XRCC6: variants seen among roughly 807,000 people sequenced by gnomAD.
The protein encoded by XRCC6 is DNA repair protein Ku70.
Under a neutral mutation model 65.7 loss-of-function variants are expected in XRCC6, and 5 were observed. The ratio of observed to expected loss-of-function variants is 0.08; its 90% CI spans 0.04 to 0.16. The LOEUF (loss-of-function observed/expected upper bound fraction) is 0.16. XRCC6 is among the 10% of genes least tolerant of loss of function. The pLI is 1.00. For missense variants in XRCC6, 447 were observed against 738.1 expected (o/e 0.61, Z 4.57); for synonymous variants, 270 against 270.6 (o/e 1.00, Z 0.02).
Position 41,636,097 on chromosome 22 carries a change from G to A in XRCC6, c.196-16G>A, listed in dbSNP as rs201886085. 5.6e-4 allele frequency: 880 copies of A among 1,564,062 alleles called. 5 individuals carry two copies. The African/African-American group carries it at 9.2e-3, about 16-fold the overall frequency. ...ATTTAGTGGTAAGTAAATATTAATT[G>A]AATTTTTTTTTTCAGTGTATCCAAA... On this transcript the variant is annotated splice_polypyrimidine_tract_variant and intron_variant, in intron 3 of 12. Transcript: ENST00000360079.
intron 3 of XRCC6, among the ~76,000 whole-genome samples, chr22:41,635,234 G>A (rs1384248343): frequency 6.6e-6 from 1 of 152,132 alleles, no homozygotes; most frequent in African/African-American, 2.4e-5. Flanking sequence ...CATTCACATG[G>A]CTTCAATGTA....
At position 41,664,007 on chromosome 22, in the gene XRCC6, A is replaced by C. The variant is rs530704688; in HGVS notation, c.*192A>C. 19 of 629,212 alleles carry C rather than the reference A, an allele frequency of 3.0e-5. No homozygotes were observed. In the East Asian group the frequency reaches 4.8e-4, roughly 16 times the overall value. The allele number at this position is 629,212 out of a possible 1,614,324, so 39.0% of individuals were successfully genotyped here. A position where few individuals can be genotyped will look rare whatever the true frequency, so the allele number is the denominator to read the frequency against. ...CTCCCACTTTGCTGTTCCTTACTTT[A>C]CTGCCTGAATAAAGAGCCCTAAGTT... On this transcript the variant is annotated 3_prime_UTR_variant, in exon 13 of 13. Coordinates refer to ENST00000360079, the MANE Select transcript of XRCC6 (RefSeq NM_001469.5).
At chr22:41,645,313 C>CA (rs1207259870) in intron 6 of XRCC6, among the ~76,000 whole-genome samples, 7 of 148,466 alleles carry the variant, frequency 4.7e-5, no homozygotes, top group East Asian at 4.0e-4. Flanking sequence ...AAAAAAAAAA[C>CA]AAAAAACAAA....
intron 2 of XRCC6, among the ~76,000 whole-genome samples, chr22:41,624,994 C>A (rs986563570): frequency 1.3e-5 from 2 of 151,958 alleles, no homozygotes; most frequent in East Asian, 3.9e-4. Flanking sequence ...GAGACTCCGT[C>A]TCAAAAATAA....
chr22:41,636,894 T>C (rs1281623440), intron 5 of XRCC6, 124 bp downstream of exon 5: 2 of 1,274,762 alleles, frequency 1.6e-6, no homozygotes, highest in African/African-American at 1.5e-5. Flanking sequence ...ACTATAAGCA[T>C]GTGCTGTTGT....
At position 41,629,983 on chromosome 22, in the gene XRCC6, CTTT is replaced by C. The variant is rs60191841; in HGVS notation, c.195+1770_195+1772del. On this transcript the variant is annotated intron_variant, in intron 3 of 12. Coordinates refer to ENST00000360079, the MANE Select transcript of XRCC6 (RefSeq NM_001469.5). ...GCCCAGCCTTGTGTGTGCATTTATG[CTTT>C]TTTTTTTTTTTTTTTTGAGTTGGAG... Among the ~76,000 whole-genome samples the C allele has an allele frequency of 8.1e-4, 76 of 93,540 alleles. No homozygotes were observed. In the Middle Eastern group the frequency reaches 0.062, roughly 77 times the overall value. 61.4% of individuals were successfully genotyped at this position (93,540 alleles called of 152,430 possible).
rs2068123533 is a variant in XRCC6, at chr22:41,663,896, C to A, written c.*81C>A. On this transcript the variant is annotated 3_prime_UTR_variant, in exon 13 of 13. Coordinates refer to ENST00000360079, the MANE Select transcript of XRCC6 (RefSeq NM_001469.5). ...GTCCTCAGCCAGTTAAAATGTGTTTCTCCTGAGCTAGGAAGAGTCTACCCG... is the reference window on the plus strand; with the variant it reads ...GTCCTCAGCCAGTTAAAATGTGTTTATCCTGAGCTAGGAAGAGTCTACCCG... The A allele has an allele frequency of 6.8e-7, 1 of 1,471,306 alleles. No homozygotes were observed. The highest frequency in any genetic ancestry group is 9.2e-7 in the Non-Finnish European group (1 of 1,084,188). The allele number at this position is 1,471,306 out of a possible 1,614,324, so 91.1% of individuals were successfully genotyped here.
chr22:41,653,115 CT>C (rs2068016379), intron 8 of XRCC6, among the ~76,000 whole-genome samples: 1 of 151,704 alleles, frequency 6.6e-6, no homozygotes, highest in Admixed American at 6.6e-5. Context: ...ATTATAAGCC[CT>C]TTAAAGGCTT....
intron 6 of XRCC6, among the ~76,000 whole-genome samples, chr22:41,640,475 G>A (rs887241436): frequency 5.5e-4 from 83 of 152,254 alleles, no homozygotes; most frequent in African/African-American, 1.9e-3. Context: ...GTAGACTTGG[G>A]GCTCTTGGTA....
At chr22:41,655,698 CAA>C (rs132782) in intron 9 of XRCC6, among the ~76,000 whole-genome samples, 4 of 108,560 alleles carry the variant, frequency 3.7e-5, no homozygotes, top group South Asian at 2.9e-4. Flanking sequence ...GACTCTGTCT[CAA>C]AAAAAAAAAA....
intron 3 of XRCC6, among the ~76,000 whole-genome samples, chr22:41,631,117 C>T (rs566380631): frequency 3.4e-4 from 51 of 150,100 alleles, no homozygotes; most frequent in Admixed American, 7.9e-4. Context: ...CCCTCCTGGA[C>T]GGGGCGGCTG....
At chr22:41,657,780 A>G (rs546538844) in intron 10 of XRCC6, among the ~76,000 whole-genome samples, 3 of 152,134 alleles carry the variant, frequency 2.0e-5, no homozygotes, top group African/African-American at 7.2e-5. Flanking sequence ...TCAGCTTCTC[A>G]AAGTGCTGGA....
intron 9 of XRCC6, among the ~76,000 whole-genome samples, chr22:41,656,176 C>G (rs1369363248): frequency 1.4e-5 from 2 of 147,878 alleles, no homozygotes; most frequent in Non-Finnish European, 3.0e-5. Flanking sequence ...TGTGATCACA[C>G]CACTGCATTC....
chr22:41,631,371 CG>C (rs2067747667), intron 3 of XRCC6, among the ~76,000 whole-genome samples: 2 of 149,724 alleles, frequency 1.3e-5, no homozygotes. Context: ...ACTTCTCAGA[CG>C]GGGCGGCTCC....
At chr22:41,661,620 C>T in intron 12 of XRCC6, 176 bp downstream of exon 12, 2 of 591,360 alleles carry the variant, frequency 3.4e-6, no homozygotes. Context: ...AGGGAACCCT[C>T]ATACACTGTT....
At chr22:41,639,187 G>A (rs1294959338) in intron 6 of XRCC6, among the ~76,000 whole-genome samples, 1 of 152,104 alleles carries the variant, frequency 6.6e-6, no homozygotes. Flanking sequence ...AGGTTACTGT[G>A]AAGAGTTAGT....
chr22:41,631,776 C>T (rs921544196), intron 3 of XRCC6, among the ~76,000 whole-genome samples: 45 of 152,050 alleles, frequency 3.0e-4, no homozygotes, highest in Middle Eastern at 3.4e-3. Flanking sequence ...CCAAGGCAGG[C>T]GGCTGGGAGG....
At chr22:41,653,267 G>A (rs2068017577) in intron 8 of XRCC6, among the ~76,000 whole-genome samples, 1 of 152,114 alleles carries the variant, frequency 6.6e-6, no homozygotes, top group South Asian at 2.1e-4. Flanking sequence ...AGCTGGGTGT[G>A]GTGGTGTGTG....
At chr22:41,638,911 A>G (rs1462407179) in intron 6 of XRCC6, among the ~76,000 whole-genome samples, 1 of 152,206 alleles carries the variant, frequency 6.6e-6, no homozygotes, top group Non-Finnish European at 1.5e-5. Flanking sequence ...AAGGCCTAGG[A>G]CATGACTGCA....
Sources: gnomAD v4.1 joint callset for allele counts (sites outside exome capture counted in the v4.1 genomes callset) on GRCh38, gnomAD v4.1.1 for gene constraint, MANE v1.5 for transcripts, NCBI Gene and HGNC (gene_info 2026-07-23, HGNC 2026-07-21) for gene names.